The following SHBG variants were observed in gnomAD, a reference collection of about 807,000 sequenced individuals.
SHBG encodes the protein sex hormone binding globulin, also known as sex hormone-binding globulin.
A neutral mutation model predicts 41.9 loss-of-function variants in SHBG; 37 were observed. That is an observed-to-expected ratio of 0.88 (90% CI 0.68 to 1.16). SHBG has a LOEUF of 1.16. Among genes scored for constraint, SHBG ranks in the 50% most tolerant of loss-of-function variants. The pLI is 0.00. For synonymous variants in SHBG, 217 were observed against 205.8 expected, an observed-to-expected ratio of 1.05 and a Z score of -0.47; for missense variants, 466 against 499.9, an observed-to-expected ratio of 0.93 and a Z score of 0.65.
chr17:7,627,108 G>A, upstream of SHBG: 1 of 1,612,244 alleles, frequency 6.2e-7, no homozygotes, highest in Non-Finnish European at 8.5e-7. The surrounding 1 kb of genome is among the most constrained non-coding windows in gnomAD (Gnocchi z 4.8). Flanking sequence ...GAGGCCGGCT[G>A]GAGAGGTGGA....
chr17:7,633,103 C>A, intron 7 of SHBG, 101 bp from the exon 8 acceptor site: 1 of 1,480,980 alleles, frequency 6.8e-7, no homozygotes, highest in Non-Finnish European at 9.4e-7. Flanking sequence ...GAAGGTAGTG[C>A]TTTTGCAAAC....
At chr17:7,627,336 G>A, upstream of SHBG, 1 of 1,613,960 alleles carries the variant, frequency 6.2e-7, no homozygotes, top group African/African-American at 1.3e-5. The surrounding 1 kb of genome is among the most constrained non-coding windows in gnomAD (Gnocchi z 4.8). Flanking sequence ...CCCAGCCTCC[G>A]CCAGAACCTG....
At chr17:7,624,231 G>A (rs572458096), upstream of SHBG, among the ~76,000 whole-genome samples, 10 of 151,434 alleles carry the variant, frequency 6.6e-5, no homozygotes, top group African/African-American at 1.7e-4. Context: ...GGATACAGAC[G>A]TGAGCCACCA....
At chr17:7,617,949 C>T (rs773521363) in intron 1 of SHBG, among the ~76,000 whole-genome samples, 38 of 143,480 alleles carry the variant, frequency 2.6e-4, no homozygotes, top group Non-Finnish European at 4.3e-4. Context: ...CTGGGTGCGG[C>T]GGCTCACGCC....
intron 1 of SHBG, among the ~76,000 whole-genome samples, chr17:7,615,722 T>C (rs1225932652): frequency 7.6e-6 from 1 of 131,320 alleles, no homozygotes; most frequent in Non-Finnish European, 1.5e-5. Context: ...TAATCCCAGA[T>C]ACTCGGGAGG....
At chr17:7,621,423 C>A (rs2072093450) in intron 1 of SHBG, among the ~76,000 whole-genome samples, 1 of 120,774 alleles carries the variant, frequency 8.3e-6, no homozygotes, top group Non-Finnish European at 1.9e-5. Flanking sequence ...ATGGTGAAAA[C>A]CCATCTCTAC....
intron 1 of SHBG, among the ~76,000 whole-genome samples, chr17:7,619,030 G>A (rs1296293955): frequency 6.6e-6 from 1 of 152,076 alleles, no homozygotes; most frequent in Non-Finnish European, 1.5e-5. Flanking sequence ...AACAAAAATG[G>A]TACAGGAAAG....
chr17:7,630,863 G>A lies in SHBG; in HGVS notation c.387G>A (p.Trp129Ter). 1 of 1,612,798 alleles carries A rather than the reference G, an allele frequency of 6.2e-7. No individual in the cohort carries two copies. The highest frequency in any genetic ancestry group is 2.2e-5 in the East Asian group (1 of 44,878). The change falls in exon 3 of 8, where the codon TGG becomes TGA. Residue 129 changes from tryptophan (W) to a stop codon, truncating the protein, a stop_gained. Coordinates refer to ENST00000380450, the MANE Select transcript of SHBG (RefSeq NM_001040.5). LOFTEE classifies it high-confidence loss of function. The surrounding 1 kb of genome is among the most constrained non-coding windows in gnomAD (Gnocchi z 4.6). ...GAGPRLDDGRWHQVEVKMEGD... is the reference protein window; with the variant it reads ...GAGPRLDDGR The stretch of plus-strand genomic sequence containing the variant: ...GACCACGGCTGGATGATGGGAGATG[G>A]CACCAGGTAAGCTAGCTCTGGTCCT...
intron 3 of SHBG, 35 bp from the exon 4 acceptor site, chr17:7,631,165 A>C (rs1224438909): frequency 1.3e-6 from 2 of 1,514,560 alleles, no homozygotes; most frequent in Non-Finnish European, 8.9e-7. Context: ...AACAGATCCC[A>C]GGGGCCTCTG....
upstream of SHBG, chr17:7,630,035 C>T: frequency 1.3e-6 from 1 of 763,504 alleles, no homozygotes. The surrounding 1 kb of genome is among the most constrained non-coding windows in gnomAD (Gnocchi z 4.6). Flanking sequence ...GGGCAGGGGT[C>T]AAGGGTCAGT....
chr17:7,631,678 A>AAGCTG lies in SHBG; in HGVS notation c.646_650dup (p.Cys217Ter). 6.2e-7 allele frequency: 1 copy of AAGCTG among 1,614,158 alleles called. No individual in the cohort carries two copies. The highest frequency in any genetic ancestry group is 8.5e-7 in the Non-Finnish European group (1 of 1,179,994). ...CAGCATCTGCCCCCACTAGCCTCAG[A>AAGCTG]AGCTGTGATGTAGAATCAAATCCCG... On this transcript the variant is annotated frameshift_variant, in exon 5 of 8. Coordinates refer to ENST00000380450, the MANE Select transcript of SHBG (RefSeq NM_001040.5). LOFTEE classifies it high-confidence loss of function.
chr17:7,623,764 A>AT (rs1013086129), upstream of SHBG, among the ~76,000 whole-genome samples: 83 of 149,104 alleles, frequency 5.6e-4, no homozygotes, highest in Admixed American at 1.0e-3. Context: ...CCAACCTATT[A>AT]TTTTTTTTTT....
At chr17:7,614,586 T>G (rs2071926090) in intron 1 of SHBG, 2 of 1,205,500 alleles carry the variant, frequency 1.7e-6, no homozygotes, top group East Asian at 6.3e-5. Flanking sequence ...GCAGTCTGAG[T>G]GCGGGCCGGG....
intron 1 of SHBG, among the ~76,000 whole-genome samples, chr17:7,615,714 A>G (rs975290987): frequency 1.4e-5 from 2 of 143,276 alleles, no homozygotes; most frequent in African/African-American, 5.2e-5. Flanking sequence ...CGCGCCTGTA[A>G]TCCCAGATAC....
At chr17:7,622,453 A>G (rs984413341) in intron 1 of SHBG, among the ~76,000 whole-genome samples, 5 of 151,552 alleles carry the variant, frequency 3.3e-5, no homozygotes, top group African/African-American at 1.2e-4. Context: ...TTGTATTTTT[A>G]GTAGAGACAG....
chr17:7,624,150 C>T (rs1597902111), upstream of SHBG, among the ~76,000 whole-genome samples: 1 of 152,120 alleles, frequency 6.6e-6, no homozygotes, highest in African/African-American at 2.4e-5. Flanking sequence ...CAGGGTTTCA[C>T]CCTGTTCGCC....
In SHBG at chr17:7,631,324, G is replaced by A. The variant is rs777068397; in HGVS notation, c.518G>A (p.Gly173Glu). The change falls in exon 4 of 8, where the codon GGG (glycine) becomes GAG (glutamate). Residue 173 changes from glycine (G) to glutamate (E), a missense_variant. Physicochemically the swap from Gly to Glu is moderately conservative, Grantham distance 98. Transcript: ENST00000380450. ...KRHPIMRIALGGLLFPASNLR... is the reference protein window; with the variant it reads ...KRHPIMRIALEGLLFPASNLR... Reference sequence around the variant, plus strand: ...CATCCCATCATGAGGATTGCGCTTGGGGGGCTGCTCTTCCCCGCTTCCAAC... The same window carrying A: ...CATCCCATCATGAGGATTGCGCTTGAGGGGCTGCTCTTCCCCGCTTCCAAC... 5 of 1,613,818 alleles carry A rather than the reference G, an allele frequency of 3.1e-6. No individual in the cohort carries two copies. Among genetic ancestry groups the A allele is most frequent in the Non-Finnish European group, 4.2e-6 (5 of 1,179,892 alleles).
At position 7,632,788 on chromosome 17, in the gene SHBG, G is replaced by A; in HGVS notation, c.889G>A (p.Asp297Asn). 1 of 1,614,084 alleles carries A rather than the reference G, an allele frequency of 6.2e-7. No individual in the cohort carries two copies. Among genetic ancestry groups the A allele is most frequent in the Non-Finnish European group, 8.5e-7 (1 of 1,180,030 alleles). ...GTCTTCTGGGTCGGGGCCAGGGCTGGATCTGCCCCTGGTCTTGGGACTCCC... is the reference window on the plus strand; with the variant it reads ...GTCTTCTGGGTCGGGGCCAGGGCTGAATCTGCCCCTGGTCTTGGGACTCCC... ...VLSSGSGPGL[D>N]LPLVLGLPLQ... Residue 297 changes from aspartate (D) to asparagine (N), a missense_variant, in exon 7 of 8, where the codon GAT (aspartate) becomes AAT (asparagine). Coordinates refer to ENST00000380450, the MANE Select transcript of SHBG (RefSeq NM_001040.5).
In SHBG at chr17:7,630,274, C is replaced by G. The variant is rs2072357111; in HGVS notation, c.102C>G (p.Leu34=). ...AGGGATGGGCCCTGAGACCTGTTCT[C>G]CCCACCCAGGTGCAGGAGCGGGACA... The part of the protein sequence containing the change: ...TRQGWALRPV[L]PTQSAHDPPA... The change falls in exon 1 of 8, where the codon CTC becomes CTG. Residue 34 remains leucine, a synonymous_variant. Transcript: ENST00000380450. The surrounding 1 kb of genome is among the most constrained non-coding windows in gnomAD (Gnocchi z 4.6). 1 of 1,607,940 alleles carries G rather than the reference C, an allele frequency of 6.2e-7. No individual in the cohort carries two copies.
Sources: allele counts gnomAD v4.1 joint callset (sites outside exome capture counted in the v4.1 genomes callset), GRCh38; gene constraint gnomAD v4.1.1; non-coding constraint Gnocchi (gnomAD v3.1); transcripts MANE v1.5; gene names NCBI Gene and HGNC (gene_info 2026-07-23, HGNC 2026-07-21).